The following SPECC1 variants were observed in gnomAD, a reference collection of about 807,000 sequenced individuals.
The protein encoded by SPECC1 is cytospin-B.
In SPECC1, 62 loss-of-function variants were observed where a neutral mutation model predicts 104.1. That is an observed-to-expected ratio of 0.60 (90% CI 0.49 to 0.74). The LOEUF (loss-of-function observed/expected upper bound fraction) is 0.74. SPECC1 is among the 30% of genes least tolerant of loss of function. SPECC1 has a pLI of 0.00. For missense variants in SPECC1, 1,306 were observed against 1,310.5 expected (o/e 1.00, Z 0.05); for synonymous variants, 513 against 501.6 (o/e 1.02, Z -0.30).
At chr17:20,062,701 T>A (rs572818307) in intron 1 of SPECC1, among the ~76,000 whole-genome samples, 1 of 151,942 alleles carries the variant, frequency 6.6e-6, no homozygotes, top group Admixed American at 6.6e-5. Flanking sequence ...CATTTTTTTT[T>A]TTTTTGAGAT....
At chr17:20,029,944 G>A (rs2044742852) in intron 1 of SPECC1, among the ~76,000 whole-genome samples, 1 of 151,934 alleles carries the variant, frequency 6.6e-6, no homozygotes, top group Admixed American at 6.6e-5. Context: ...CTGGTTGCTA[G>A]GAATGATATA....
chr17:20,314,764 C>G lies in SPECC1; in HGVS notation c.*699C>G, dbSNP rs949191883. The G allele has an allele frequency of 1.4e-4, 25 of 172,998 alleles. No individual in the cohort carries two copies. The highest frequency in any genetic ancestry group is 4.0e-4 in the African/African-American group (16 of 40,326). The allele number at this position is 172,998 out of a possible 1,614,324, so 10.7% of individuals were successfully genotyped here. On this transcript the variant is annotated 3_prime_UTR_variant, in exon 15 of 15. Coordinates refer to ENST00000395527, the MANE Select transcript of SPECC1 (RefSeq NM_001243439.2). ...CCAGGGCAACCTGGAAACGTGCGTG[C>G]GCACTCAGCCTTTTGGGGAAAAATG...
At chr17:20,221,346 C>T (rs997353543) in intron 4 of SPECC1, among the ~76,000 whole-genome samples, 3 of 151,972 alleles carry the variant, frequency 2.0e-5, no homozygotes, top group Non-Finnish European at 2.9e-5. Context: ...TTACTTGTTA[C>T]CGGTCTGTTC....
chr17:20,149,023 A>G (rs191696671), intron 3 of SPECC1, among the ~76,000 whole-genome samples: 300 of 147,442 alleles, frequency 2.0e-3, no homozygotes, highest in African/African-American at 7.6e-3. Context: ...CCCCTCGCCC[A>G]GCGGATTACA....
chr17:20,229,134 C>T (rs971481755), intron 5 of SPECC1, among the ~76,000 whole-genome samples: 3 of 152,196 alleles, frequency 2.0e-5, no homozygotes, highest in Non-Finnish European at 4.4e-5. Context: ...ACTTGGCCTT[C>T]TCATACTGTA....
In SPECC1 at chr17:20,194,502, A is replaced by ATTATTATTTTTTTTTTTTTT; in HGVS notation, c.284-9829_284-9828insATTATTTTTTTTTTTTTTTT. On this transcript the variant is annotated intron_variant, in intron 3 of 14. Coordinates refer to ENST00000395527, the MANE Select transcript of SPECC1 (RefSeq NM_001243439.2). The stretch of plus-strand genomic sequence containing the variant: ...TGTGTTCTGTTAGAAAAGAGAACGA[A>ATTATTATTTTTTTTTTTTTT]TTTTTTTTTTTTTTTTTTTTTTTGA... 1.5e-3 allele frequency among the ~76,000 whole-genome samples: 129 copies of ATTATTATTTTTTTTTTTTTT among 86,530 alleles called. 10 individuals carry two copies. Among genetic ancestry groups the ATTATTATTTTTTTTTTTTTT allele is most frequent in the Middle Eastern group, 7.1e-3 (1 of 140 alleles). 56.8% of individuals were successfully genotyped at this position (86,530 alleles called of 152,430 possible). A position where few individuals can be genotyped will look rare whatever the true frequency, so the allele number is the denominator to read the frequency against.
chr17:20,153,822 A>G (rs568931047), intron 3 of SPECC1, among the ~76,000 whole-genome samples: 1 of 152,346 alleles, frequency 6.6e-6, no homozygotes, highest in South Asian at 2.1e-4. Flanking sequence ...GGCTCTGCCT[A>G]TCATTTTGGA....
chr17:20,205,985 C>T (rs2036754849), intron 4 of SPECC1, 73 bp downstream of exon 4: 1 of 1,516,612 alleles, frequency 6.6e-7, no homozygotes, highest in African/African-American at 1.4e-5. Flanking sequence ...TCTAAATTCA[C>T]AGAGCACAGA....
rs1271461467 is a variant in SPECC1 at position 20,009,697 on chromosome 17, C to T, written c.-22+273C>T. 6.6e-6 allele frequency among the ~76,000 whole-genome samples: 1 copy of T among 152,076 alleles called. No homozygotes were observed. On this transcript the variant is annotated intron_variant, in intron 1 of 14. Transcript: ENST00000395527. This position sits in a 1 kb window ranked among gnomAD's most constrained non-coding sequence, Gnocchi z 5.2. ...GCCGCAGGTGGCAGCGGCAGGTGGC[C>T]GCCTCCTCCCCTCCGGGCCCGAGGG...
chr17:20,251,159 C>T (rs577379596), intron 9 of SPECC1, among the ~76,000 whole-genome samples: 3 of 134,282 alleles, frequency 2.2e-5, no homozygotes, highest in Non-Finnish European at 3.0e-5. Flanking sequence ...ATCCAGGAGG[C>T]GGAGGTTGCA....
intron 3 of SPECC1, among the ~76,000 whole-genome samples, chr17:20,133,678 C>T (rs2049773961): frequency 6.6e-6 from 1 of 152,180 alleles, no homozygotes; most frequent in Non-Finnish European, 1.5e-5. Flanking sequence ...ATTCCAGAAC[C>T]ACCTGTTGGG....
At chr17:20,161,782 ACTT>A (rs2033175853) in intron 3 of SPECC1, among the ~76,000 whole-genome samples, 1 of 148,064 alleles carries the variant, frequency 6.8e-6, no homozygotes. Flanking sequence ...CAGTTCTGTC[ACTT>A]CTTTTTTTCT....
At chr17:20,206,002 T>G (rs2036755805) in intron 4 of SPECC1, 90 bp downstream of exon 4, 1 of 1,484,636 alleles carries the variant, frequency 6.7e-7, no homozygotes, top group Non-Finnish European at 9.0e-7. Context: ...CAGAGAAGCA[T>G]TTGCTTAGTC....
At chr17:20,055,329 T>C (rs552214288) in intron 1 of SPECC1, among the ~76,000 whole-genome samples, 5 of 152,276 alleles carry the variant, frequency 3.3e-5, no homozygotes, top group African/African-American at 9.6e-5. Context: ...GTCTACCCCT[T>C]CATCCACTGA....
At chr17:20,233,294 C>T (rs1309024724) in intron 7 of SPECC1, among the ~76,000 whole-genome samples, 1 of 152,126 alleles carries the variant, frequency 6.6e-6, no homozygotes, top group Non-Finnish European at 1.5e-5. Context: ...TTACATGTTT[C>T]CAAGATCAGT....
chr17:20,116,754 AT>A (rs2048774164), intron 3 of SPECC1, among the ~76,000 whole-genome samples: 1 of 114,730 alleles, frequency 8.7e-6, no homozygotes, highest in East Asian at 2.8e-4. Flanking sequence ...ATGGGGGACG[AT>A]TTTGTCCCCC....
intron 7 of SPECC1, among the ~76,000 whole-genome samples, chr17:20,244,168 G>C (rs2039323838): frequency 1.3e-5 from 2 of 152,162 alleles, no homozygotes; most frequent in Non-Finnish European, 2.9e-5. Flanking sequence ...GGTAGAGGTT[G>C]CAGTGAGCCA....
In SPECC1 at chr17:20,205,909, C is replaced by G; in HGVS notation, c.1860C>G (p.Ala620=). 6.2e-7 allele frequency: 1 copy of G among 1,605,878 alleles called. No individual in the cohort carries two copies. The highest frequency in any genetic ancestry group is 1.3e-5 in the African/African-American group (1 of 74,974). ...GEIKHVSSLL[A]KVEKDYSYLK... is the part of the protein sequence containing the mutation. ...TTAAACATGTTTCCAGTCTGCTGGC[C>G]AAGGTGAGAAGAGACAGCTCTTTAC... Residue 620 remains alanine, a synonymous_variant, in exon 4 of 15, where the codon GCC becomes GCG. Transcript: ENST00000395527.
chr17:20,315,082 C>T lies in SPECC1; in HGVS notation c.*1017C>T, dbSNP rs886530292. 11 of 232,836 alleles carry T rather than the reference C, an allele frequency of 4.7e-5. No homozygotes were observed. The highest frequency in any genetic ancestry group is 2.2e-4 in the African/African-American group (10 of 45,326). The allele number at this position is 232,836 out of a possible 1,614,324, so 14.4% of individuals were successfully genotyped here. ...CCACACAGGCTTGTACCCCACAGAA[C>T]TTGACAGGAGGTCACATGTGTGAAT... is the stretch of plus-strand genomic sequence containing the variant. On this transcript the variant is annotated 3_prime_UTR_variant, in exon 15 of 15. Coordinates refer to ENST00000395527, the MANE Select transcript of SPECC1 (RefSeq NM_001243439.2).
Sources: allele counts gnomAD v4.1 joint callset (sites outside exome capture counted in the v4.1 genomes callset), GRCh38; gene constraint gnomAD v4.1.1; non-coding constraint Gnocchi (gnomAD v3.1); transcripts MANE v1.5; gene names NCBI Gene and HGNC (gene_info 2026-07-23, HGNC 2026-07-21).